Variants in MYO18B observed in about 807,000 individuals in gnomAD.
The protein encoded by MYO18B is unconventional myosin-XVIIIb.
A neutral mutation model predicts 273.0 loss-of-function variants in MYO18B; 204 were observed. That is an observed-to-expected ratio of 0.75 (90% CI 0.67 to 0.84). MYO18B has a LOEUF of 0.84. Ranked by LOEUF, MYO18B falls within the 40% of genes least tolerant of loss-of-function variation. The pLI is 0.00. For synonymous variants in MYO18B, 1,330 were observed against 1,305.7 expected (o/e 1.02, Z -0.40); for missense variants, 3,212 against 3,287.6 (o/e 0.98, Z 0.56).
chr22:25,855,419 A>G (rs1325898643), intron 21 of MYO18B, among the ~76,000 whole-genome samples: 2 of 151,270 alleles, frequency 1.3e-5, no homozygotes, highest in Non-Finnish European at 2.9e-5. Context: ...GAGTAGCTGG[A>G]ACTTCAGGCG....
intron 12 of MYO18B, among the ~76,000 whole-genome samples, chr22:25,807,665 A>T (rs143103844): frequency 1.3e-5 from 2 of 152,268 alleles, no homozygotes; most frequent in African/African-American, 4.8e-5. Context: ...AGCAAGATGG[A>T]AGGTGCATCA....
At chr22:25,967,513 G>C (rs144098765) in intron 39 of MYO18B, among the ~76,000 whole-genome samples, 2 of 152,152 alleles carry the variant, frequency 1.3e-5, no homozygotes, top group Non-Finnish European at 2.9e-5. Flanking sequence ...TTTTGACAGA[G>C]CTTAAACAAT....
intron 25 of MYO18B, among the ~76,000 whole-genome samples, chr22:25,886,557 CTT>C (rs2091506651): frequency 6.6e-6 from 1 of 152,212 alleles, no homozygotes; most frequent in Admixed American, 6.5e-5. Context: ...CCTAGGCTCT[CTT>C]TGGCCAAAGT....
intron 18 of MYO18B, 121 bp downstream of exon 18, chr22:25,844,015 C>T (rs1006278493): frequency 3.5e-6 from 3 of 856,980 alleles, no homozygotes; most frequent in African/African-American, 3.3e-5. Flanking sequence ...AATCCCATCC[C>T]TCCATAATGG....
intron 42 of MYO18B, among the ~76,000 whole-genome samples, chr22:26,021,070 T>C (rs1935775098): frequency 6.6e-6 from 1 of 152,102 alleles, no homozygotes; most frequent in Non-Finnish European, 1.5e-5. Context: ...GCCTGGGTGA[T>C]AGAGCAAGAC....
rs552070065 is a variant in MYO18B at position 26,015,131 on chromosome 22, C to T, written c.6470+10276C>T. Reference sequence around the variant, plus strand: ...GCATCTTCATCATGAAATCTTTGCCCATTCCTGTGTCCAGAATGGTATTGC... The same window carrying T: ...GCATCTTCATCATGAAATCTTTGCCTATTCCTGTGTCCAGAATGGTATTGC... On this transcript the variant is annotated intron_variant, in intron 42 of 43. Coordinates refer to ENST00000335473, the MANE Select transcript of MYO18B (RefSeq NM_032608.7). Among the ~76,000 whole-genome samples, 65 of 152,262 alleles carry T rather than the reference C, an allele frequency of 4.3e-4. 1 individual carries two copies. The South Asian group carries it at 0.011, about 26-fold the overall frequency.
chr22:25,814,206 TC>T (rs1453384211), intron 12 of MYO18B, among the ~76,000 whole-genome samples: 2 of 151,108 alleles, frequency 1.3e-5, no homozygotes, highest in Non-Finnish European at 2.9e-5. Flanking sequence ...CTGTGAAAGT[TC>T]CTACCCTTCT....
chr22:26,024,267 G>T (rs1031705728), intron 42 of MYO18B, among the ~76,000 whole-genome samples: 3 of 152,158 alleles, frequency 2.0e-5, no homozygotes, highest in African/African-American at 7.2e-5. Flanking sequence ...CATTATTTGG[G>T]TAATTAGGTG....
Position 25,911,149 on chromosome 22 carries a change from C to G in MYO18B, c.5364+99C>G, listed in dbSNP as rs929841138. 7.9e-5 allele frequency: 69 copies of G among 871,768 alleles called. No homozygotes were observed. The African/African-American group carries it at 1.1e-3, about 14-fold the overall frequency. The allele number at this position is 871,768 out of a possible 1,614,324, so 54.0% of individuals were successfully genotyped here. ...AACAGCCTGAGGGATACCCTCTCCTCCATCAGCTCTGTTCCCACCATATTC... is the reference window on the plus strand; with the variant it reads ...AACAGCCTGAGGGATACCCTCTCCTGCATCAGCTCTGTTCCCACCATATTC... On this transcript the variant is annotated intron_variant, in intron 33 of 43. Coordinates refer to ENST00000335473, the MANE Select transcript of MYO18B (RefSeq NM_032608.7).
intron 18 of MYO18B, 61 bp from the exon 19 acceptor site, chr22:25,846,039 A>C (rs930387593): frequency 5.0e-6 from 7 of 1,402,818 alleles, no homozygotes; most frequent in Non-Finnish European, 6.5e-6. Flanking sequence ...GCCACCACCC[A>C]GGCCAAGGCT....
intron 39 of MYO18B, among the ~76,000 whole-genome samples, chr22:25,956,212 CTT>C (rs60449297): frequency 2.7e-4 from 37 of 139,272 alleles, no homozygotes; most frequent in Middle Eastern, 3.6e-3. Flanking sequence ...ACCGAGGAAC[CTT>C]TTTTTTTTTT....
chr22:25,760,998 C>T lies in MYO18B; in HGVS notation c.-95C>T. 3 of 1,345,480 alleles carry T rather than the reference C, an allele frequency of 2.2e-6. No homozygotes were observed. The highest frequency in any genetic ancestry group is 3.2e-6 in the Non-Finnish European group (3 of 942,184). The allele number at this position is 1,345,480 out of a possible 1,614,324, so 83.3% of individuals were successfully genotyped here. On this transcript the variant is annotated 5_prime_UTR_variant, in exon 2 of 44. Transcript: ENST00000335473. Reference sequence around the variant, plus strand: ...CTGTGTGTCAGTTCTGTGTCCATCTCATGTGCTGCGTGTGTCTGTAAAGCC... The same window carrying T: ...CTGTGTGTCAGTTCTGTGTCCATCTTATGTGCTGCGTGTGTCTGTAAAGCC...
intron 21 of MYO18B, among the ~76,000 whole-genome samples, chr22:25,862,053 C>T (rs1025138974): frequency 2.0e-5 from 3 of 152,116 alleles, no homozygotes; most frequent in African/African-American, 7.2e-5. Flanking sequence ...TTTCTTGTCA[C>T]GGTTCCCTAA....
chr22:25,863,850 C>T (rs980863611), intron 21 of MYO18B, among the ~76,000 whole-genome samples: 6 of 152,140 alleles, frequency 3.9e-5, no homozygotes, highest in African/African-American at 1.4e-4. Context: ...CTCTCTTATT[C>T]TTGTGTTTAG....
chr22:25,773,710 G>A (rs145598741), intron 7 of MYO18B, among the ~76,000 whole-genome samples: 2,304 of 152,256 alleles, frequency 0.015, 53 homozygotes, highest in African/African-American at 0.051. Context: ...TGATCCGCCC[G>A]CCTCGGCCTC....
chr22:25,793,125 G>A (rs1037295851), intron 11 of MYO18B, among the ~76,000 whole-genome samples: 1 of 152,204 alleles, frequency 6.6e-6, no homozygotes, highest in African/African-American at 2.4e-5. Context: ...GGAAACCACC[G>A]TTTATTGAGT....
chr22:25,814,912 C>T (rs1274464365), intron 12 of MYO18B, among the ~76,000 whole-genome samples: 3 of 152,192 alleles, frequency 2.0e-5, no homozygotes, highest in Non-Finnish European at 4.4e-5. Context: ...AAGTAAGTTA[C>T]CTAAGGTCAT....
At chr22:25,870,314 C>T (rs2091010782) in intron 22 of MYO18B, among the ~76,000 whole-genome samples, 1 of 152,192 alleles carries the variant, frequency 6.6e-6, no homozygotes, top group African/African-American at 2.4e-5. Context: ...GATGGGATAG[C>T]CTACCACGCA....
In MYO18B at chr22:25,769,317, C is replaced by A; in HGVS notation, c.1401C>A (p.Ser467Arg). ...GALETELEGPSQPALEKDAER... is the reference protein window; with the variant it reads ...GALETELEGPRQPALEKDAER... ...TGGAGACAGAGCTGGAAGGACCCAG[C>A]CAGCCTGCTCTGGAGAAGGATGCAG... The change falls in exon 4 of 44, where the codon AGC (serine) becomes AGA (arginine). Residue 467 changes from serine (S) to arginine (R), a missense_variant. Physicochemically the swap from Ser to Arg is moderately radical, Grantham distance 110. Coordinates refer to ENST00000335473, the MANE Select transcript of MYO18B (RefSeq NM_032608.7). The A allele has an allele frequency of 6.3e-7, 1 of 1,578,596 alleles. No homozygotes were observed. Among genetic ancestry groups the A allele is most frequent in the Non-Finnish European group, 8.6e-7 (1 of 1,162,852 alleles).
Sources: gnomAD v4.1 joint callset for allele counts (sites outside exome capture counted in the v4.1 genomes callset) on GRCh38, gnomAD v4.1.1 for gene constraint, MANE v1.5 for transcripts, NCBI Gene and HGNC (gene_info 2026-07-23, HGNC 2026-07-21) for gene names.